The following KIF6 variants were observed in gnomAD, a reference collection of about 807,000 sequenced individuals.
KIF6 encodes the protein kinesin family member 6, also known as kinesin-like protein KIF6.
KIF6 carries 106 observed loss-of-function variants against 112.7 expected under a neutral mutation model. The ratio of observed to expected loss-of-function variants is 0.94; its 90% CI spans 0.80 to 1.11. The LOEUF is 1.11. Ranked by LOEUF, KIF6 falls within the 50% of genes least tolerant of loss-of-function variation. The pLI is 0.00. For synonymous variants in KIF6, 339 were observed against 339.9 expected, an observed-to-expected ratio of 1.00 and a Z score of 0.03; for missense variants, 929 against 964.0, an observed-to-expected ratio of 0.96 and a Z score of 0.48.
intron 13 of KIF6, among the ~76,000 whole-genome samples, chr6:39,485,551 A>T (rs998348762): frequency 2.6e-5 from 4 of 152,148 alleles, no homozygotes; most frequent in Admixed American, 6.6e-5. Flanking sequence ...TAGGCCAGGA[A>T]TCCATAAAAT....
intron 6 of KIF6, among the ~76,000 whole-genome samples, chr6:39,602,665 T>C (rs1395960346): frequency 6.6e-6 from 1 of 152,188 alleles, no homozygotes; most frequent in Non-Finnish European, 1.5e-5. Flanking sequence ...TATAGTTCAT[T>C]TGAGTCTAAA....
intron 5 of KIF6, among the ~76,000 whole-genome samples, chr6:39,628,692 T>A (rs1159054781): frequency 6.6e-6 from 1 of 152,164 alleles, no homozygotes; most frequent in Admixed American, 6.6e-5. Flanking sequence ...AACTAAAGCC[T>A]ATAGTTTACA....
intron 3 of KIF6, among the ~76,000 whole-genome samples, chr6:39,647,692 C>T (rs1466746718): frequency 6.6e-6 from 1 of 150,962 alleles, no homozygotes; most frequent in East Asian, 1.9e-4. Flanking sequence ...CTAGGTCAAA[C>T]AGTGAAGGCC....
intron 15 of KIF6, among the ~76,000 whole-genome samples, chr6:39,406,164 G>C (rs1769078221): frequency 6.6e-6 from 1 of 152,074 alleles, no homozygotes; most frequent in Admixed American, 6.6e-5. Flanking sequence ...GGGATTACAG[G>C]GGTGTGCTAC....
intron 16 of KIF6, among the ~76,000 whole-genome samples, chr6:39,375,989 C>T (rs1019729863): frequency 6.6e-6 from 1 of 152,160 alleles, no homozygotes; most frequent in African/African-American, 2.4e-5. Context: ...TGGGAACTGG[C>T]AGGGAAATGG....
At chr6:39,677,788 T>C (rs1212778289) in intron 3 of KIF6, among the ~76,000 whole-genome samples, 2 of 127,878 alleles carry the variant, frequency 1.6e-5, no homozygotes, top group Admixed American at 8.5e-5. Flanking sequence ...CGGTGTTTGG[T>C]TTTTTGTTCT....
At chr6:39,525,866 T>G (rs562728767) in intron 13 of KIF6, among the ~76,000 whole-genome samples, 95 of 151,884 alleles carry the variant, frequency 6.3e-4, no homozygotes, top group African/African-American at 2.2e-3. Context: ...TTCCCCAACC[T>G]CAGGGCAAAC....
Position 39,331,878 on chromosome 6 carries a change from A to G in KIF6, c.*4654T>C, listed in dbSNP as rs1485462166. ...TAGATTTGAAACACACACCCATTGC[A>G]TTTTAAAAAATGTTTCTGTCTATTT... On this transcript the variant is annotated 3_prime_UTR_variant, in exon 23 of 23. Transcript: ENST00000287152. 2 of 151,990 alleles carry G rather than the reference A, an allele frequency of 1.3e-5. No individual in the cohort carries two copies. The highest frequency in any genetic ancestry group is 4.8e-5 in the African/African-American group (2 of 41,364). The allele number at this position is 151,990 out of a possible 1,614,324, so 9.4% of individuals were successfully genotyped here.
At chr6:39,506,333 GAAC>G (rs1776425697) in intron 13 of KIF6, among the ~76,000 whole-genome samples, 1 of 151,996 alleles carries the variant, frequency 6.6e-6, no homozygotes. Context: ...GCAGGGAGGG[GAAC>G]AACACACACC....
chr6:39,654,506 C>G, intron 3 of KIF6, among the ~76,000 whole-genome samples: 1 of 152,166 alleles, frequency 6.6e-6, no homozygotes, highest in East Asian at 1.9e-4. Flanking sequence ...AATTGCTCCT[C>G]CTTAGAAAAT....
At chr6:39,639,238 A>C (rs1784784552) in intron 4 of KIF6, among the ~76,000 whole-genome samples, 1 of 152,074 alleles carries the variant, frequency 6.6e-6, no homozygotes, top group African/African-American at 2.4e-5. Context: ...CAATTATACT[A>C]TCCTGTTTAG....
chr6:39,688,628 C>T (rs1274994500), intron 3 of KIF6, among the ~76,000 whole-genome samples: 1 of 152,076 alleles, frequency 6.6e-6, no homozygotes, highest in African/African-American at 2.4e-5. Context: ...CTCAGATTTC[C>T]CAAGAAGCTG....
intron 3 of KIF6, among the ~76,000 whole-genome samples, chr6:39,656,502 A>G (rs965889985): frequency 6.6e-6 from 1 of 152,128 alleles, no homozygotes; most frequent in African/African-American, 2.4e-5. Context: ...ATAAGATCCA[A>G]TTTTTTCTGT....
chr6:39,621,493 C>G (rs1317918691), intron 5 of KIF6, among the ~76,000 whole-genome samples: 1 of 152,174 alleles, frequency 6.6e-6, no homozygotes, highest in East Asian at 1.9e-4. Context: ...ATCTCTGTCT[C>G]CTCTATAAAC....
chr6:39,599,424 C>A (rs1324986526), intron 6 of KIF6, among the ~76,000 whole-genome samples: 2 of 152,172 alleles, frequency 1.3e-5, no homozygotes, highest in Non-Finnish European at 2.9e-5. Context: ...TTTACACCAA[C>A]TAGCAAAATA....
At position 39,359,481 on chromosome 6, in the gene KIF6, C is replaced by G. The variant is rs1186424151; in HGVS notation, c.2082+914G>C. ...TATTTACATGATGGAACAGTAACAG[C>G]CATTAAAACAACGCTGTAGGATAAT... On this transcript the variant is annotated intron_variant, in intron 18 of 22. Transcript: ENST00000287152. 2.0e-5 allele frequency among the ~76,000 whole-genome samples: 3 copies of G among 152,124 alleles called. No individual in the cohort carries two copies. The East Asian group carries it at 5.8e-4, about 29-fold the overall frequency.
intron 13 of KIF6, among the ~76,000 whole-genome samples, chr6:39,535,416 G>A (rs943009423): frequency 1.9e-4 from 29 of 152,104 alleles, no homozygotes; most frequent in Admixed American, 1.6e-3. Context: ...TGCAATCCTA[G>A]TCTCTGATAA....
At chr6:39,688,842 T>A (rs1267514470) in intron 3 of KIF6, among the ~76,000 whole-genome samples, 4 of 152,280 alleles carry the variant, frequency 2.6e-5, no homozygotes, top group Non-Finnish European at 4.4e-5. Context: ...CTGTAGAAAA[T>A]TCTTAGAAAT....
intron 10 of KIF6, among the ~76,000 whole-genome samples, chr6:39,547,074 A>T (rs1373258397): frequency 6.6e-6 from 1 of 152,220 alleles, no homozygotes; most frequent in Non-Finnish European, 1.5e-5. Context: ...AGTATCTATG[A>T]TGTTATGTAT....
Sources: gnomAD v4.1 joint callset for allele counts (sites outside exome capture counted in the v4.1 genomes callset) on GRCh38, gnomAD v4.1.1 for gene constraint, MANE v1.5 for transcripts, NCBI Gene and HGNC (gene_info 2026-07-23, HGNC 2026-07-21) for gene names.